Variants in SRL observed in about 807,000 individuals in gnomAD.
The protein encoded by SRL is sarcalumenin.
In SRL, 23 loss-of-function variants were observed where a neutral mutation model predicts 39.5. The ratio of observed to expected loss-of-function variants is 0.58; its 90% CI spans 0.42 to 0.82. The LOEUF (loss-of-function observed/expected upper bound fraction) is 0.82. Ranked by LOEUF, SRL falls within the 40% of genes least tolerant of loss-of-function variation. The pLI is 0.00. For synonymous variants in SRL, 272 were observed against 237.4 expected (o/e 1.15, Z -1.34); for missense variants, 592 against 607.8 (o/e 0.97, Z 0.27).
intron 1 of SRL, among the ~76,000 whole-genome samples, chr16:4,209,068 T>C (rs1174889753): frequency 6.6e-6 from 1 of 151,284 alleles, no homozygotes; most frequent in Non-Finnish European, 1.5e-5. Flanking sequence ...AGGTTGGGAG[T>C]TTGAGACCAG....
chr16:4,218,511 C>T (rs902846416), intron 1 of SRL, among the ~76,000 whole-genome samples: 4 of 152,180 alleles, frequency 2.6e-5, no homozygotes, highest in Admixed American at 6.5e-5. Context: ...AGAGATGGGG[C>T]AGGAGCAGTT....
At chr16:4,197,408 T>C (rs914475364) in intron 4 of SRL, among the ~76,000 whole-genome samples, 1 of 140,022 alleles carries the variant, frequency 7.1e-6, no homozygotes, top group African/African-American at 2.7e-5. Context: ...GCATGTGGCA[T>C]AACTTTTCTT....
chr16:4,224,471 C>T (rs968085334), intron 1 of SRL, among the ~76,000 whole-genome samples: 45 of 152,060 alleles, frequency 3.0e-4, no homozygotes, highest in African/African-American at 8.0e-4. Context: ...TTTGGGAGGC[C>T]GAGACGGGAG....
chr16:4,224,764 G>A lies in SRL; in HGVS notation c.61+17243C>T, dbSNP rs1256061193. On this transcript the variant is annotated intron_variant, in intron 1 of 5. Transcript: ENST00000399609. The stretch of plus-strand genomic sequence containing the variant: ...AAAAAGGATAAAGTGTCCCCAGAAT[G>A]TATATCCACACAAAAAACTGTACAC... 2.0e-5 allele frequency among the ~76,000 whole-genome samples: 3 copies of A among 152,002 alleles called. No homozygotes were observed. The East Asian group carries it at 5.8e-4, about 29-fold the overall frequency.
chr16:4,195,020 G>A (rs957967122), intron 5 of SRL, among the ~76,000 whole-genome samples: 11 of 151,690 alleles, frequency 7.3e-5, no homozygotes, highest in Admixed American at 1.3e-4. Context: ...TCAGCCTCCC[G>A]AGTAGCTGGG....
intron 1 of SRL, among the ~76,000 whole-genome samples, chr16:4,228,190 G>A (rs9927213): frequency 0.014 from 2,171 of 150,696 alleles, 56 homozygotes; most frequent in African/African-American, 0.048. Context: ...TGTAATCCCA[G>A]CACTTTGGAA....
intron 5 of SRL, 37 bp downstream of exon 5, chr16:4,195,516 C>T: frequency 6.3e-7 from 1 of 1,588,996 alleles, no homozygotes; most frequent in Non-Finnish European, 8.6e-7. Flanking sequence ...TTTTTTGAAA[C>T]AGAGCTTACA....
rs2052043373 is a variant in SRL at position 4,190,099 on chromosome 16, G to C, written c.*2054C>G. The C allele has an allele frequency of 2.5e-6, 1 of 396,900 alleles. No individual in the cohort carries two copies. Among genetic ancestry groups the C allele is most frequent in the Admixed American group, 4.4e-5 (1 of 22,704 alleles). The allele number at this position is 396,900 out of a possible 1,614,324, so 24.6% of individuals were successfully genotyped here. On this transcript the variant is annotated 3_prime_UTR_variant, in exon 6 of 6. Transcript: ENST00000399609. Reference sequence around the variant, plus strand: ...GGTCGACTCGTTCCTTGGAAACATTGTCCTGAGTGCCCTGGAACCTCGGGT... The same window carrying C: ...GGTCGACTCGTTCCTTGGAAACATTCTCCTGAGTGCCCTGGAACCTCGGGT...
Position 4,209,499 on chromosome 16 carries a change from C to T in SRL, c.62-4865G>A, listed in dbSNP as rs75739865. Among the ~76,000 whole-genome samples, 486 of 152,258 alleles carry T rather than the reference C, an allele frequency of 3.2e-3. 1 individual carries two copies. Among genetic ancestry groups the T allele is most frequent in the African/African-American group, 0.011 (445 of 41,564 alleles). On this transcript the variant is annotated intron_variant, in intron 1 of 5. Transcript: ENST00000399609. ...TCTGCTGGATGCAGACAACCCCCCT[C>T]TCTCAGGCCACCACTTGCTACTCCC...
chr16:4,228,666 C>T (rs559357567), intron 1 of SRL, among the ~76,000 whole-genome samples: 25 of 150,824 alleles, frequency 1.7e-4, no homozygotes, highest in Non-Finnish European at 3.2e-4. Flanking sequence ...ACCCAGGAGG[C>T]GGAGCTTGCA....
intron 1 of SRL, among the ~76,000 whole-genome samples, chr16:4,212,100 C>T (rs189096062): frequency 3.4e-4 from 51 of 152,232 alleles, no homozygotes; most frequent in African/African-American, 1.0e-3. Flanking sequence ...TCCACTCCTG[C>T]GCCCTGGGCA....
intron 1 of SRL, among the ~76,000 whole-genome samples, chr16:4,212,953 C>G (rs1194819845): frequency 1.4e-4 from 21 of 152,228 alleles, no homozygotes; most frequent in Admixed American, 1.4e-3. Flanking sequence ...TCTACATGGA[C>G]TCAGAGGACT....
chr16:4,201,091 C>T (rs2052222415), intron 3 of SRL, among the ~76,000 whole-genome samples: 1 of 150,346 alleles, frequency 6.7e-6, no homozygotes, highest in Non-Finnish European at 1.5e-5. Flanking sequence ...CAACAACTAG[C>T]AAAATGTTTA....
chr16:4,237,613 C>G (rs538147838), intron 1 of SRL, among the ~76,000 whole-genome samples: 1 of 152,300 alleles, frequency 6.6e-6, no homozygotes, highest in East Asian at 1.9e-4. Flanking sequence ...TCAGCCCCAC[C>G]CCTGCCTTCC....
At chr16:4,212,661 C>G (rs935674330) in intron 1 of SRL, among the ~76,000 whole-genome samples, 1 of 152,176 alleles carries the variant, frequency 6.6e-6, no homozygotes, top group South Asian at 2.1e-4. Context: ...AGGCCAGGCC[C>G]GGGACTGACG....
intron 3 of SRL, among the ~76,000 whole-genome samples, chr16:4,202,251 T>C (rs1001115366): frequency 5.9e-5 from 9 of 152,216 alleles, no homozygotes; most frequent in Admixed American, 5.2e-4. Flanking sequence ...GAGGAAATGC[T>C]TGGAAGGCTT....
At position 4,240,571 on chromosome 16, in the gene SRL, G is replaced by A. The variant is rs150891822; in HGVS notation, c.61+1436C>T. ...CAGGAAGGAAAGACAGCAGAGAGAAGGGACCTTTGCACAAGCACCTGCCTG... is the reference window on the plus strand; with the variant it reads ...CAGGAAGGAAAGACAGCAGAGAGAAAGGACCTTTGCACAAGCACCTGCCTG... On this transcript the variant is annotated intron_variant, in intron 1 of 5. Transcript: ENST00000399609. Among the ~76,000 whole-genome samples the A allele has an allele frequency of 4.0e-3, 606 of 152,250 alleles. 6 individuals carry two copies. Among genetic ancestry groups the A allele is most frequent in the African/African-American group, 0.014 (585 of 41,538 alleles).
At chr16:4,234,777 T>A (rs1290344317) in intron 1 of SRL, among the ~76,000 whole-genome samples, 2 of 152,198 alleles carry the variant, frequency 1.3e-5, no homozygotes, top group Non-Finnish European at 2.9e-5. Flanking sequence ...CATTCATTCA[T>A]TATTTCACCC....
chr16:4,234,486 C>A (rs149685627), intron 1 of SRL, among the ~76,000 whole-genome samples: 1,717 of 152,220 alleles, frequency 0.011, 13 homozygotes, highest in Non-Finnish European at 0.017. Flanking sequence ...ACCTTGACTC[C>A]GAGTAAAACC....
Sources: allele counts gnomAD v4.1 joint callset (sites outside exome capture counted in the v4.1 genomes callset), GRCh38; gene constraint gnomAD v4.1.1; transcripts MANE v1.5; gene names NCBI Gene and HGNC (gene_info 2026-07-23, HGNC 2026-07-21).